The following GRM5 variants were observed in gnomAD, a reference collection of about 807,000 sequenced individuals.
GRM5 encodes metabotropic glutamate receptor 5.
In GRM5, 19 loss-of-function variants were observed where a neutral mutation model predicts 83.1. That is an observed-to-expected ratio of 0.23 (90% CI 0.16 to 0.34). GRM5 has a LOEUF of 0.34. GRM5 is among the 10% of genes least tolerant of loss of function. The pLI is 1.00. For synonymous variants in GRM5, 675 were observed against 633.6 expected (o/e 1.07, Z -0.98); for missense variants, 1,160 against 1,588.3 (o/e 0.73, Z 4.58).
intron 4 of GRM5, among the ~76,000 whole-genome samples, chr11:88,615,916 G>C (rs117673366): frequency 2.4e-4 from 36 of 152,098 alleles, no homozygotes; most frequent in South Asian, 1.5e-3. Context: ...AGATGACATC[G>C]CACTTTGTGT....
At chr11:89,023,961 C>G (rs1445835622) in intron 2 of GRM5, among the ~76,000 whole-genome samples, 1 of 152,076 alleles carries the variant, frequency 6.6e-6, no homozygotes, top group Non-Finnish European at 1.5e-5. Flanking sequence ...CACAGTGGCT[C>G]ATGCCTGTAA....
At chr11:89,063,719 G>A (rs1178873534) in intron 1 of GRM5, 2 of 152,208 alleles carry the variant, frequency 1.3e-5, no homozygotes, top group African/African-American at 4.8e-5. Context: ...GAGAGCGGAG[G>A]AGGGAGGGGT....
At chr11:88,523,150 A>G (rs1297551755) in intron 9 of GRM5, among the ~76,000 whole-genome samples, 1 of 152,196 alleles carries the variant, frequency 6.6e-6, no homozygotes, top group Non-Finnish European at 1.5e-5. Context: ...TGCTTGCCAC[A>G]AACAGCTCCA....
chr11:88,879,464 C>T (rs956324302), intron 2 of GRM5, among the ~76,000 whole-genome samples: 2 of 151,284 alleles, frequency 1.3e-5, no homozygotes, highest in African/African-American at 4.9e-5. Flanking sequence ...AATGGCAATG[C>T]TAGTAGAAAA....
intron 2 of GRM5, among the ~76,000 whole-genome samples, chr11:88,941,472 GAGGGGAGGGGAGAGGAGGGGAGA>G (rs1262429092): frequency 0.031 from 2,353 of 74,764 alleles, 101 homozygotes; most frequent in African/African-American, 0.09. Flanking sequence ...GAGAAGAGAA[GAGGGGAGGGGAGAGGAGGGGAGA>G]GGAGGGGAGA....
chr11:88,695,053 A>G (rs1263174947), intron 3 of GRM5, among the ~76,000 whole-genome samples: 1 of 152,180 alleles, frequency 6.6e-6, no homozygotes, highest in African/African-American at 2.4e-5. Flanking sequence ...TAAGTTATGC[A>G]TGTGGGTCAA....
intron 2 of GRM5, among the ~76,000 whole-genome samples, chr11:88,923,337 A>G (rs1183992807): frequency 2.0e-5 from 3 of 152,182 alleles, no homozygotes; most frequent in African/African-American, 7.2e-5. Context: ...AGGCAAATGT[A>G]GCGCATATAC....
intron 3 of GRM5, among the ~76,000 whole-genome samples, chr11:88,763,327 A>G (rs1942567255): frequency 1.3e-5 from 2 of 151,860 alleles, no homozygotes; most frequent in African/African-American, 4.8e-5. Context: ...CAAAGCCATA[A>G]GAAGACATAA....
At chr11:88,668,295 T>TCACA (rs201662394) in intron 3 of GRM5, among the ~76,000 whole-genome samples, 12,190 of 81,564 alleles carry the variant, frequency 0.15, 718 homozygotes, top group Non-Finnish European at 0.18. Context: ...CCCCAGAAAC[T>TCACA]CGCACACACA....
chr11:88,812,888 A>G (rs537782272), intron 3 of GRM5, among the ~76,000 whole-genome samples: 2 of 152,158 alleles, frequency 1.3e-5, no homozygotes, highest in African/African-American at 2.4e-5. Flanking sequence ...TTTCACAGCT[A>G]GAAAATTACT....
chr11:88,954,854 G>A (rs764006062), intron 2 of GRM5, among the ~76,000 whole-genome samples: 2 of 152,186 alleles, frequency 1.3e-5, no homozygotes, highest in Non-Finnish European at 2.9e-5. Flanking sequence ...ATGGTACATT[G>A]TGGAACAGGT....
chr11:89,035,453 T>A (rs751184225), intron 2 of GRM5, among the ~76,000 whole-genome samples: 15 of 151,790 alleles, frequency 9.9e-5, no homozygotes, highest in African/African-American at 1.5e-4. Flanking sequence ...CTAGTGAAGG[T>A]CAAATATATG....
intron 2 of GRM5, among the ~76,000 whole-genome samples, chr11:88,886,162 A>G (rs1434647336): frequency 6.6e-6 from 1 of 152,194 alleles, no homozygotes; most frequent in Non-Finnish European, 1.5e-5. Context: ...CTGTATCTCT[A>G]TAGAGAAAGC....
intron 3 of GRM5, among the ~76,000 whole-genome samples, chr11:88,677,576 A>C (rs1004372197): frequency 2.6e-5 from 4 of 152,152 alleles, no homozygotes; most frequent in Non-Finnish European, 5.9e-5. Context: ...AAAGAAATGG[A>C]GCCAGAATCC....
chr11:88,826,270 TA>T (rs1268978305), intron 3 of GRM5, among the ~76,000 whole-genome samples: 4 of 151,960 alleles, frequency 2.6e-5, no homozygotes, highest in African/African-American at 9.7e-5. Flanking sequence ...CTTACCAAAA[TA>T]AAAAAGATGG....
chr11:88,926,209 A>G (rs1945786321), intron 2 of GRM5, among the ~76,000 whole-genome samples: 1 of 152,156 alleles, frequency 6.6e-6, no homozygotes, highest in Non-Finnish European at 1.5e-5. Flanking sequence ...TGCAGAGCCC[A>G]TATTCAAAAC....
At chr11:88,702,249 C>T (rs1941053167) in intron 3 of GRM5, among the ~76,000 whole-genome samples, 1 of 152,066 alleles carries the variant, frequency 6.6e-6, no homozygotes, top group South Asian at 2.1e-4. Flanking sequence ...TATTCCCCAT[C>T]CATGGCAGCA....
intron 2 of GRM5, among the ~76,000 whole-genome samples, chr11:88,910,033 C>A (rs895086924): frequency 6.6e-6 from 1 of 152,046 alleles, no homozygotes; most frequent in African/African-American, 2.4e-5. Context: ...AATCACTTCA[C>A]CTCAGATGGA....
At chr11:88,967,256 T>C (rs1178233576) in intron 2 of GRM5, among the ~76,000 whole-genome samples, 96 of 22,552 alleles carry the variant, frequency 4.3e-3, no homozygotes, top group African/African-American at 0.039. Context: ...CACATATATA[T>C]ATATATATAT....
Sources: gnomAD v4.1 joint callset for allele counts (sites outside exome capture counted in the v4.1 genomes callset) on GRCh38, gnomAD v4.1.1 for gene constraint, MANE v1.5 for transcripts, NCBI Gene and HGNC (gene_info 2026-07-23, HGNC 2026-07-21) for gene names.